The following C2orf76 variants were observed in gnomAD, a reference collection of about 807,000 sequenced individuals.
C2orf76 encodes the protein chromosome 2 open reading frame 76.
Under a neutral mutation model 16.9 loss-of-function variants are expected in C2orf76, and 23 were observed. The observed-to-expected ratio is 1.36, with a 90% CI of 0.98 to 1.93. C2orf76 has a LOEUF of 1.93. Ranked by LOEUF, C2orf76 falls within the 30% of genes most tolerant of loss-of-function variation. The pLI, the probability that C2orf76 is intolerant of heterozygous loss-of-function variation, is 0.00. For synonymous variants in C2orf76, 48 were observed against 52.3 expected, an observed-to-expected ratio of 0.92 and a Z score of 0.35; for missense variants, 152 against 152.6, an observed-to-expected ratio of 1.00 and a Z score of 0.02.
rs375202517 is a variant in C2orf76, at chr2:119,359,480, G to A, written c.-13+7310C>T. The stretch of plus-strand genomic sequence containing the variant: ...CAGATGGATATGGGCAAAATAATAC[G>A]AAAACCTTCTGGAAAGGATTCACCA... On this transcript the variant is annotated intron_variant, in intron 1 of 5. Coordinates refer to ENST00000334816, the MANE Select transcript of C2orf76 (RefSeq NM_001322331.2). 2.2e-4 allele frequency among the ~76,000 whole-genome samples: 34 copies of A among 152,252 alleles called. 2 individuals are homozygous for A. The South Asian group carries it at 5.6e-3, about 25-fold the overall frequency.
At chr2:119,349,988 T>C (rs1316420051) in intron 1 of C2orf76, among the ~76,000 whole-genome samples, 2 of 149,244 alleles carry the variant, frequency 1.3e-5, no homozygotes, top group Non-Finnish European at 3.0e-5. Context: ...GGTATTGAAC[T>C]CCTGGGCTCA....
In C2orf76 at chr2:119,302,548, G is replaced by T; in HGVS notation, c.305C>A (p.Ala102Asp). ...GAAGAATGCAATTTCAGTTTCACTG[G>T]CTGAAAAAAAACAGAAAATGGAAAA... ...EDSTLKAAGI[A>D]SETEIAFFCE... Residue 102 changes from alanine (A) to aspartate (D), a missense_variant and splice_region_variant, in exon 6 of 6, where the codon GCC (alanine) becomes GAC (aspartate). Transcript: ENST00000334816. The T allele has an allele frequency of 1.4e-6, 2 of 1,478,292 alleles. No homozygotes were observed. Among genetic ancestry groups the T allele is most frequent in the Non-Finnish European group, 1.8e-6 (2 of 1,094,360 alleles). 91.6% of individuals were successfully genotyped at this position (1,478,292 alleles called of 1,614,324 possible).
At chr2:119,358,341 C>T (rs181992300) in intron 1 of C2orf76, among the ~76,000 whole-genome samples, 1 of 152,152 alleles carries the variant, frequency 6.6e-6, no homozygotes, top group African/African-American at 2.4e-5. Flanking sequence ...TTTTGGGAGG[C>T]CTAGGTGGGT....
chr2:119,366,939 G>A, upstream of C2orf76: 1 of 1,379,248 alleles, frequency 7.3e-7, no homozygotes, highest in Non-Finnish European at 1.0e-6. Flanking sequence ...CCCGAGCAGG[G>A]TTGGGGCGAG....
chr2:119,343,039 C>A (rs1680086125), intron 1 of C2orf76, among the ~76,000 whole-genome samples: 1 of 152,070 alleles, frequency 6.6e-6, no homozygotes, highest in Non-Finnish European at 1.5e-5. Context: ...CAAAGTATAT[C>A]ATTCTTTATG....
chr2:119,313,601 A>T (rs1679069130), intron 4 of C2orf76, among the ~76,000 whole-genome samples: 3 of 151,990 alleles, frequency 2.0e-5, no homozygotes, highest in Non-Finnish European at 4.4e-5. Flanking sequence ...GTCTCAAAAA[A>T]ACAAAAAACA....
chr2:119,354,880 C>T (rs1273476520), intron 1 of C2orf76, among the ~76,000 whole-genome samples: 1 of 152,210 alleles, frequency 6.6e-6, no homozygotes, highest in Non-Finnish European at 1.5e-5. Flanking sequence ...GCTGTAACTG[C>T]TTTACTGCAT....
intron 1 of C2orf76, among the ~76,000 whole-genome samples, chr2:119,350,831 TA>T (rs1680379414): frequency 6.6e-6 from 1 of 152,216 alleles, no homozygotes; most frequent in African/African-American, 2.4e-5. Context: ...GGCAGAGCTC[TA>T]AGCTGCAGAG....
At chr2:119,291,759 T>C in the C2orf76 span, among the ~76,000 whole-genome samples, 1 of 152,170 alleles carries the variant, frequency 6.6e-6, no homozygotes, top group African/African-American at 2.4e-5. Context: ...CTATTCAGTG[T>C]CTAAATGTTC....
At chr2:119,366,750 C>T (rs909963929) in intron 1 of C2orf76, 40 bp downstream of exon 1, 1 of 542,598 alleles carries the variant, frequency 1.8e-6, no homozygotes. Flanking sequence ...CGACCAACTC[C>T]CGGCAGCAAA....
At chr2:119,319,628 G>A (rs1679283409) in intron 3 of C2orf76, among the ~76,000 whole-genome samples, 1 of 152,126 alleles carries the variant, frequency 6.6e-6, no homozygotes, top group Non-Finnish European at 1.5e-5. Flanking sequence ...CTAGGCGATA[G>A]GGATTTAAGA....
chr2:119,349,356 A>G (rs981455039), intron 1 of C2orf76, among the ~76,000 whole-genome samples: 1 of 152,192 alleles, frequency 6.6e-6, no homozygotes, highest in Non-Finnish European at 1.5e-5. Context: ...ACAATACCAA[A>G]CTTACAGAGT....
rs969287918 is a variant in C2orf76, at chr2:119,340,044, T to G, written c.-12-73A>C. 2.0e-6 allele frequency: 3 copies of G among 1,502,048 alleles called. No homozygotes were observed. In the African/African-American group the frequency reaches 4.1e-5, roughly 21 times the overall value. The allele number at this position is 1,502,048 out of a possible 1,614,324, so 93.0% of individuals were successfully genotyped here. A position where few individuals can be genotyped will look rare whatever the true frequency, so the allele number is the denominator to read the frequency against. On this transcript the variant is annotated intron_variant, in intron 1 of 5. Transcript: ENST00000334816. ...TGTCTACCAGCACCTAGCCTGCATC[T>G]CTATCAGCTCTCTGGCACCAGCCCC...
chr2:119,337,566 T>C (rs891658282), intron 2 of C2orf76, among the ~76,000 whole-genome samples: 8 of 152,190 alleles, frequency 5.3e-5, no homozygotes, highest in Non-Finnish European at 1.0e-4. Flanking sequence ...TGTTTGGTCT[T>C]TGTTATGTAC....
chr2:119,314,702 G>T (rs1206715867), intron 4 of C2orf76, among the ~76,000 whole-genome samples: 12 of 151,954 alleles, frequency 7.9e-5, no homozygotes, highest in African/African-American at 2.4e-4. Context: ...TTTACATACT[G>T]ATTTTAAAAT....
intron 4 of C2orf76, among the ~76,000 whole-genome samples, chr2:119,315,454 C>T (rs186806061): frequency 6.6e-6 from 1 of 152,114 alleles, no homozygotes; most frequent in Non-Finnish European, 1.5e-5. Flanking sequence ...GCCAAGCCAG[C>T]AATGCCACAG....
chr2:119,294,979 G>A, the C2orf76 span, among the ~76,000 whole-genome samples: 47,323 of 151,826 alleles, frequency 0.31, 7,787 homozygotes, highest in Non-Finnish European at 0.38. Flanking sequence ...GGTGGGGGTT[G>A]AAGAGCCTTG....
intron 1 of C2orf76, among the ~76,000 whole-genome samples, chr2:119,363,792 G>A (rs1377615466): frequency 1.3e-5 from 2 of 152,168 alleles, no homozygotes; most frequent in African/African-American, 2.4e-5. Flanking sequence ...CTGGGAGGTC[G>A]AGGCAGAGGG....
chr2:119,299,956 C>T (rs1467937054), downstream of C2orf76, among the ~76,000 whole-genome samples: 1 of 152,166 alleles, frequency 6.6e-6, no homozygotes, highest in Admixed American at 6.5e-5. Flanking sequence ...CCATTCCTTC[C>T]TCCCCACACT....
Sources: gnomAD v4.1 joint callset for allele counts (sites outside exome capture counted in the v4.1 genomes callset) on GRCh38, gnomAD v4.1.1 for gene constraint, MANE v1.5 for transcripts, NCBI Gene and HGNC (gene_info 2026-07-23, HGNC 2026-07-21) for gene names.